MED24: variants seen among roughly 807,000 people sequenced by gnomAD.
MED24 encodes the protein mediator of RNA polymerase II transcription subunit 24.
A neutral mutation model predicts 118.8 loss-of-function variants in MED24; 74 were observed. That is an observed-to-expected ratio of 0.62 (90% confidence interval 0.52 to 0.76). The LOEUF is 0.76. Among genes scored for constraint, MED24 ranks in the 30% least tolerant of loss-of-function variants. MED24 has a pLI of 0.00. For synonymous variants in MED24, 521 were observed against 523.9 expected, an observed-to-expected ratio of 0.99 and a Z score of 0.08; for missense variants, 1,041 against 1,278.9, an observed-to-expected ratio of 0.81 and a Z score of 2.84.
At chr17:40,030,728 G>A (rs976129849) in intron 12 of MED24, among the ~76,000 whole-genome samples, 11 of 150,812 alleles carry the variant, frequency 7.3e-5, no homozygotes, top group Admixed American at 5.3e-4. Flanking sequence ...GCATGATTTC[G>A]CCTCACCACA....
At chr17:40,020,132 A>G (rs1981781606) in intron 24 of MED24, 141 bp downstream of exon 24, 1 of 1,051,268 alleles carries the variant, frequency 9.5e-7, no homozygotes, top group Non-Finnish European at 1.4e-6. Context: ...GGGGGCCAGG[A>G]CAGCCAACAA....
chr17:40,053,933 C>A (rs965055129), intron 1 of MED24: 2 of 523,410 alleles, frequency 3.8e-6, no homozygotes, highest in Non-Finnish European at 6.8e-6. Flanking sequence ...GAGTTCGAGA[C>A]TAGCCTGACC....
intron 3 of MED24, among the ~76,000 whole-genome samples, chr17:40,046,262 T>A (rs1417786812): frequency 6.9e-6 from 1 of 145,464 alleles, no homozygotes; most frequent in Non-Finnish European, 1.5e-5. Context: ...TTTTTTGTAT[T>A]TTCAGTAGAG....
chr17:40,022,580 G>C (rs1425530883), intron 21 of MED24, 65 bp downstream of exon 21: 15 of 1,602,584 alleles, frequency 9.4e-6, no homozygotes, highest in Non-Finnish European at 1.1e-5. Context: ...TCCCAGGGTG[G>C]CACCAGGCGA....
Position 40,031,191 on chromosome 17 carries a change from A to G in MED24, c.1122T>C (p.Ser374=). ...LQECGKQGLL[S]EASVNNLMAK... ...CCATAAGGTTGTTGACGCTGGCCTC[A>G]GACAGAAGCCCCTGCTTGCCACATT... is the stretch of plus-strand genomic sequence containing the variant. Residue 374 remains serine, a synonymous_variant, in exon 12 of 26, where the codon TCT becomes TCC. Coordinates refer to ENST00000394128, the MANE Select transcript of MED24 (RefSeq NM_014815.4). The G allele has an allele frequency of 6.4e-7, 1 of 1,573,106 alleles. No homozygotes were observed. The highest frequency in any genetic ancestry group is 8.6e-7 in the Non-Finnish European group (1 of 1,158,124).
Position 40,031,188 on chromosome 17 carries a change from C to T in MED24, c.1125G>A (p.Glu375=), listed in dbSNP as rs770890658. ...QECGKQGLLS[E]ASVNNLMAKR... ...TAGCCATAAGGTTGTTGACGCTGGC[C>T]TCAGACAGAAGCCCCTGCTTGCCAC... Residue 375 remains glutamate, a synonymous_variant, in exon 12 of 26, where the codon GAG becomes GAA. Transcript: ENST00000394128. 39 of 1,572,326 alleles carry T rather than the reference C, an allele frequency of 2.5e-5. No homozygotes were observed. The highest frequency in any genetic ancestry group is 1.1e-4 in the African/African-American group (8 of 74,168).
At position 40,048,830 on chromosome 17, in the gene MED24, C is replaced by CCCAA. The variant is rs1347439440; in HGVS notation, c.213+4467_213+4468insTTGG. Among the ~76,000 whole-genome samples the CCCAA allele has an allele frequency of 6.6e-5, 10 of 152,246 alleles. No individual in the cohort carries two copies. In the East Asian group the frequency reaches 1.9e-3, roughly 29 times the overall value. ...TCAGCCTCCCAAAGTGCTGGGATTA[C>CCCAA]AGGCAGGAGCCACCATGCCTGGCCA... On this transcript the variant is annotated intron_variant, in intron 3 of 25. Transcript: ENST00000394128.
Position 40,035,789 on chromosome 17 carries a change from C to A in MED24, c.259G>T (p.Asp87Tyr). ...SVLTAISKFDDFSRDLCVQAL... is the reference protein window; with the variant it reads ...SVLTAISKFDYFSRDLCVQAL... ...TGGACACACAGGTCCCGAGAAAAGT[C>A]ATCAAACTGTGGAAAGGACAGTGGA... is the stretch of plus-strand genomic sequence containing the variant. Residue 87 changes from aspartate (D) to tyrosine (Y), a missense_variant, in exon 5 of 26, where the codon GAC becomes TAC. Transcript: ENST00000394128. 1.2e-6 allele frequency: 2 copies of A among 1,613,918 alleles called. No individual in the cohort carries two copies. The highest frequency in any genetic ancestry group is 2.2e-5 in the South Asian group (2 of 91,056).
intron 20 of MED24, 126 bp downstream of exon 20, chr17:40,023,005 G>T: frequency 7.2e-7 from 1 of 1,396,112 alleles, no homozygotes; most frequent in South Asian, 1.4e-5. Flanking sequence ...CAACTCTGAG[G>T]CGAGGCATTC....
intron 22 of MED24, 30 bp downstream of exon 22, chr17:40,022,364 G>A: frequency 1.3e-6 from 2 of 1,580,494 alleles, no homozygotes; most frequent in Non-Finnish European, 1.7e-6. Flanking sequence ...GTGAACAAGT[G>A]AAGCCGGCGA....
intron 3 of MED24, among the ~76,000 whole-genome samples, chr17:40,039,456 C>T (rs933332252): frequency 2.6e-5 from 4 of 152,316 alleles, no homozygotes; most frequent in Admixed American, 6.5e-5. Context: ...CCAACTACTC[C>T]TAAGTGCCCT....
intron 3 of MED24, among the ~76,000 whole-genome samples, chr17:40,048,956 G>A (rs535203244): frequency 2.0e-5 from 3 of 152,118 alleles, no homozygotes; most frequent in Admixed American, 1.3e-4. Context: ...CAAGGTGGTC[G>A]GGTGCAGCTT....
At position 40,027,447 on chromosome 17, in the gene MED24, C is replaced by T; in HGVS notation, c.1466G>A (p.Arg489Gln). ...GAAGGAGATGTCAAACAGCAGGGCC[C>T]GGACGGAGGCCGGTTTGGCTGTGGA... ...SEESTKPASV[R>Q]ALLFDISFLM... The change falls in exon 16 of 26, where the codon CGG becomes CAG. Residue 489 changes from arginine to glutamine, a missense_variant. This residue lies in a region of MED24 where 587 missense variants were observed against 694.4 expected (regional missense o/e 0.85). Transcript: ENST00000394128. 2 of 1,612,720 alleles carry T rather than the reference C, an allele frequency of 1.2e-6. No individual in the cohort carries two copies. The highest frequency in any genetic ancestry group is 1.1e-5 in the South Asian group (1 of 90,754).
chr17:40,021,692 G>GA (rs3214397), intron 23 of MED24, among the ~76,000 whole-genome samples: 2 of 18,252 alleles, frequency 1.1e-4, no homozygotes, highest in Non-Finnish European at 2.9e-4. Flanking sequence ...GGGTAAGGGA[G>GA]GGGCAGGAGG....
rs183605613 is a variant in MED24 at position 40,049,617 on chromosome 17, C to A, written c.213+3681G>T. On this transcript the variant is annotated intron_variant, in intron 3 of 25. Transcript: ENST00000394128. ...TCTTGGCTTACTGCAACCTCTGACT[C>A]CCTGGTTCAAGCGATTCTCCTGCCT... Among the ~76,000 whole-genome samples, 772 of 152,216 alleles carry A rather than the reference C, an allele frequency of 5.1e-3. 5 individuals are homozygous for A. The highest frequency in any genetic ancestry group is 0.018 in the African/African-American group (738 of 41,556).
chr17:40,053,204 G>T, intron 3 of MED24, 94 bp downstream of exon 3: 2 of 1,193,704 alleles, frequency 1.7e-6, no homozygotes, highest in Non-Finnish European at 1.2e-6. Context: ...CACAATGCTG[G>T]GATTACAGCC....
At chr17:40,052,702 A>G (rs1985984642) in intron 3 of MED24, among the ~76,000 whole-genome samples, 1 of 152,168 alleles carries the variant, frequency 6.6e-6, no homozygotes, top group African/African-American at 2.4e-5. Context: ...CCTGGGCTCA[A>G]GCAAGCCTCC....
Position 40,019,285 on chromosome 17 carries a change from G to A in MED24, c.*244C>T. Reference sequence around the variant, plus strand: ...CGGGCGCACACAGGGGTGACCACTGGGCTTGTGGTCCAGGCTGCTCACTCT... The same window carrying A: ...CGGGCGCACACAGGGGTGACCACTGAGCTTGTGGTCCAGGCTGCTCACTCT... On this transcript the variant is annotated 3_prime_UTR_variant, in exon 26 of 26. Transcript: ENST00000394128. The A allele has an allele frequency of 1.9e-6, 1 of 537,910 alleles. No individual in the cohort carries two copies. The highest frequency in any genetic ancestry group is 2.3e-5 in the South Asian group (1 of 43,222). 33.3% of individuals were successfully genotyped at this position (537,910 alleles called of 1,614,324 possible). A position where few individuals can be genotyped will look rare whatever the true frequency, so the allele number is the denominator to read the frequency against.
chr17:40,025,871 G>T (rs1023026106), intron 19 of MED24, among the ~76,000 whole-genome samples: 4 of 152,184 alleles, frequency 2.6e-5, no homozygotes, highest in African/African-American at 7.2e-5. Flanking sequence ...ACACAGCTTT[G>T]TTCTTTTGGG....
Sources: allele counts gnomAD v4.1 joint callset (sites outside exome capture counted in the v4.1 genomes callset), GRCh38; gene constraint gnomAD v4.1.1; regional missense constraint gnomAD v4.1.1; transcripts MANE v1.5; gene names NCBI Gene and HGNC (gene_info 2026-07-23, HGNC 2026-07-21).